Variants in EFNA5 observed in about 807,000 individuals in gnomAD.
The protein encoded by EFNA5 is ephrin-A5.
A neutral mutation model predicts 22.9 loss-of-function variants in EFNA5; 5 were observed. That is an observed-to-expected ratio of 0.22 (90% CI 0.11 to 0.46). The LOEUF (loss-of-function observed/expected upper bound fraction) is 0.46, where lower values mean the gene tolerates loss of function less well. Among genes scored for constraint, EFNA5 ranks in the 20% least tolerant of loss-of-function variants. The pLI is 0.99. For missense variants in EFNA5, 237 were observed against 293.3 expected, an observed-to-expected ratio of 0.81 and a Z score of 1.40; for synonymous variants, 113 against 112.2, an observed-to-expected ratio of 1.01 and a Z score of -0.04.
intron 1 of EFNA5, among the ~76,000 whole-genome samples, chr5:107,575,334 GCAGA>G (rs1347979250): frequency 6.6e-6 from 1 of 152,114 alleles, no homozygotes; most frequent in African/African-American, 2.4e-5. Context: ...AGAAAGCTAA[GCAGA>G]CACTTTCCCA....
intron 1 of EFNA5, 127 bp from the exon 2 acceptor site, chr5:107,427,636 C>G: frequency 1.2e-6 from 1 of 801,920 alleles, no homozygotes. Context: ...TACTGAATGC[C>G]ATTATGATTT....
chr5:107,549,214 T>C (rs1748232869), intron 1 of EFNA5, among the ~76,000 whole-genome samples: 2 of 152,220 alleles, frequency 1.3e-5, no homozygotes, highest in African/African-American at 4.8e-5. Context: ...TTTTCCAGAA[T>C]GCTTTATTTT....
chr5:107,645,710 A>G (rs1284013418), intron 1 of EFNA5, among the ~76,000 whole-genome samples: 1 of 152,232 alleles, frequency 6.6e-6, no homozygotes, highest in East Asian at 1.9e-4. Context: ...CCAAATGTTT[A>G]AAAGTGTTAG....
At chr5:107,506,563 T>A (rs1209035540) in intron 1 of EFNA5, among the ~76,000 whole-genome samples, 2 of 152,144 alleles carry the variant, frequency 1.3e-5, no homozygotes, top group South Asian at 2.1e-4. Flanking sequence ...TGGGGCCAGA[T>A]GAGCAGGAGC....
At chr5:107,446,876 T>C (rs949545601) in intron 1 of EFNA5, among the ~76,000 whole-genome samples, 1 of 152,176 alleles carries the variant, frequency 6.6e-6, no homozygotes, top group Admixed American at 6.5e-5. Flanking sequence ...ATGCAGGATA[T>C]ATAAATACAC....
chr5:107,448,395 A>G (rs987746800), intron 1 of EFNA5, among the ~76,000 whole-genome samples: 3 of 152,230 alleles, frequency 2.0e-5, no homozygotes, highest in Non-Finnish European at 4.4e-5. Context: ...AAGCTACAAA[A>G]TAATACACAT....
Position 107,381,100 on chromosome 5 carries a change from T to C in EFNA5, c.*155A>G. ...ACAAGTTTAGGCCCCCAACCTGAAG[T>C]TGTTGCTTAGAATTCAGGCTGAAAG... On this transcript the variant is annotated 3_prime_UTR_variant, in exon 5 of 5. Transcript: ENST00000333274. The C allele has an allele frequency of 1.7e-6, 2 of 1,146,370 alleles. No homozygotes were observed. The highest frequency in any genetic ancestry group is 2.4e-6 in the Non-Finnish European group (2 of 837,930). The allele number at this position is 1,146,370 out of a possible 1,614,324, so 71.0% of individuals were successfully genotyped here.
chr5:107,454,208 T>C (rs1749633050), intron 1 of EFNA5, among the ~76,000 whole-genome samples: 2 of 152,198 alleles, frequency 1.3e-5, no homozygotes, highest in African/African-American at 2.4e-5. Context: ...ATTGAAGTCA[T>C]ACAATTCTAC....
At chr5:107,488,718 G>A (rs991002837) in intron 1 of EFNA5, among the ~76,000 whole-genome samples, 16 of 151,958 alleles carry the variant, frequency 1.1e-4, no homozygotes, top group Middle Eastern at 3.2e-3. Context: ...CCAAGACAGC[G>A]TCTTGCTCTG....
chr5:107,530,684 T>C (rs1216363737), intron 1 of EFNA5, among the ~76,000 whole-genome samples: 4 of 152,178 alleles, frequency 2.6e-5, no homozygotes, highest in Non-Finnish European at 4.4e-5. Context: ...GCTCAAAGCC[T>C]GGTTATACTG....
Position 107,505,102 on chromosome 5 carries a change from G to A in EFNA5, c.126-77593C>T, listed in dbSNP as rs909856533. On this transcript the variant is annotated intron_variant, in intron 1 of 4. Coordinates refer to ENST00000333274, the MANE Select transcript of EFNA5 (RefSeq NM_001962.3). Reference sequence around the variant, plus strand: ...AGGTGCCTAACAAAAACTTGGCAATGATCTCCATTCAAAGCAAAAATGCTA... The same window carrying A: ...AGGTGCCTAACAAAAACTTGGCAATAATCTCCATTCAAAGCAAAAATGCTA... Among the ~76,000 whole-genome samples, 18 of 152,166 alleles carry A rather than the reference G, an allele frequency of 1.2e-4. 1 individual carries two copies. The highest frequency in any genetic ancestry group is 6.8e-3 in the Middle Eastern group (2 of 294).
At chr5:107,641,539 AG>A (rs1750512107) in intron 1 of EFNA5, among the ~76,000 whole-genome samples, 1 of 152,124 alleles carries the variant, frequency 6.6e-6, no homozygotes, top group African/African-American at 2.4e-5. Context: ...CCTACAGGGG[AG>A]AAAAATAAAA....
At chr5:107,512,878 G>A (rs748971584) in intron 1 of EFNA5, among the ~76,000 whole-genome samples, 1 of 152,200 alleles carries the variant, frequency 6.6e-6, no homozygotes, top group Non-Finnish European at 1.5e-5. Context: ...TAAAATTGCT[G>A]TGGAGAGAAT....
At chr5:107,580,205 G>A (rs1749012674) in intron 1 of EFNA5, among the ~76,000 whole-genome samples, 1 of 152,130 alleles carries the variant, frequency 6.6e-6, no homozygotes, top group Non-Finnish European at 1.5e-5. Context: ...TTAAATATCT[G>A]ACAAGACCTT....
chr5:107,539,732 C>T (rs1410302454), intron 1 of EFNA5, among the ~76,000 whole-genome samples: 1 of 152,184 alleles, frequency 6.6e-6, no homozygotes, highest in Non-Finnish European at 1.5e-5. Context: ...GCTGGGATTA[C>T]AGGCTATAGG....
At chr5:107,458,013 C>A (rs1031683957) in intron 1 of EFNA5, among the ~76,000 whole-genome samples, 1 of 152,110 alleles carries the variant, frequency 6.6e-6, no homozygotes, top group Admixed American at 6.6e-5. Context: ...AGATTCAAGT[C>A]CCCTTATCTC....
intron 1 of EFNA5, among the ~76,000 whole-genome samples, chr5:107,619,599 A>G (rs1009917669): frequency 6.6e-6 from 1 of 151,792 alleles, no homozygotes; most frequent in African/African-American, 2.4e-5. Flanking sequence ...AGTAGCTGGG[A>G]CTACAGGCAT....
At chr5:107,497,607 G>A (rs1457363733) in intron 1 of EFNA5, among the ~76,000 whole-genome samples, 1 of 150,832 alleles carries the variant, frequency 6.6e-6, no homozygotes, top group Non-Finnish European at 1.5e-5. Flanking sequence ...AGGGAGCGCT[G>A]GAAAATCTTA....
rs112635701 is a variant in EFNA5 at position 107,559,116 on chromosome 5, T to C, written c.125+111373A>G. Among the ~76,000 whole-genome samples, 109 of 152,296 alleles carry C rather than the reference T, an allele frequency of 7.2e-4. No homozygotes were observed. The Middle Eastern group carries it at 0.01, about 14-fold the overall frequency. The stretch of plus-strand genomic sequence containing the variant: ...TTTCGTAAATCACTGGGATGGTGAA[T>C]GGCCAGGACTAGGGCCAGATGCCCT... On this transcript the variant is annotated intron_variant, in intron 1 of 4. Transcript: ENST00000333274.
Sources: allele counts gnomAD v4.1 joint callset (sites outside exome capture counted in the v4.1 genomes callset), GRCh38; gene constraint gnomAD v4.1.1; transcripts MANE v1.5; gene names NCBI Gene and HGNC (gene_info 2026-07-23, HGNC 2026-07-21).